Variants in ROBO1 observed in about 807,000 individuals in gnomAD.
ROBO1 encodes the protein roundabout guidance receptor 1.
In ROBO1, 149 loss-of-function variants were observed where a neutral mutation model predicts 195.9. The observed-to-expected ratio is 0.76, with a 90% CI of 0.67 to 0.87. The LOEUF (loss-of-function observed/expected upper bound fraction) is 0.87. Among genes scored for constraint, ROBO1 ranks in the 40% least tolerant of loss-of-function variants. The pLI, the probability that ROBO1 is intolerant of heterozygous loss-of-function variation, is 0.00. For synonymous variants in ROBO1, 816 were observed against 733.2 expected (o/e 1.11, Z -1.82); for missense variants, 1,933 against 2,068.3 (o/e 0.93, Z 1.27).
chr3:79,736,697 T>C (rs1441760676), intron 1 of ROBO1, among the ~76,000 whole-genome samples: 2 of 152,220 alleles, frequency 1.3e-5, no homozygotes, highest in Non-Finnish European at 2.9e-5. Context: ...CAAGTTGATG[T>C]TCCATGATCT....
intron 2 of ROBO1, among the ~76,000 whole-genome samples, chr3:79,242,784 C>A (rs1300977982): frequency 6.6e-6 from 1 of 152,076 alleles, no homozygotes; most frequent in African/African-American, 2.4e-5. Context: ...GTAATAGCTA[C>A]AATGCATTGA....
intron 4 of ROBO1, among the ~76,000 whole-genome samples, chr3:78,870,620 G>A (rs2035488354): frequency 6.6e-6 from 1 of 152,184 alleles, no homozygotes. Context: ...ATGTTTCCCA[G>A]AAGCACTAGA....
chr3:78,833,467 A>C (rs532773433), intron 4 of ROBO1, among the ~76,000 whole-genome samples: 1 of 152,288 alleles, frequency 6.6e-6, no homozygotes, highest in African/African-American at 2.4e-5. Context: ...ACAAATAACA[A>C]TGAAAGATAT....
intron 4 of ROBO1, among the ~76,000 whole-genome samples, chr3:78,779,640 C>T (rs12638686): frequency 0.24 from 36,764 of 152,012 alleles, 4,663 homozygotes; most frequent in East Asian, 0.49. Context: ...GAAATGGGAA[C>T]GCTTTTACAC....
intron 1 of ROBO1, among the ~76,000 whole-genome samples, chr3:79,712,748 TC>T (rs1702323716): frequency 6.6e-6 from 1 of 152,064 alleles, no homozygotes; most frequent in East Asian, 1.9e-4. Flanking sequence ...TGGCTTCAAA[TC>T]TTTGAAGGAC....
intron 2 of ROBO1, among the ~76,000 whole-genome samples, chr3:79,571,185 A>T (rs1943266878): frequency 6.6e-6 from 1 of 152,154 alleles, no homozygotes; most frequent in South Asian, 2.1e-4. Flanking sequence ...TCAATTTATG[A>T]GAGGCAATAA....
intron 3 of ROBO1, among the ~76,000 whole-genome samples, chr3:79,038,150 A>G (rs973190825): frequency 3.9e-5 from 6 of 152,228 alleles, no homozygotes; most frequent in Non-Finnish European, 8.8e-5. Context: ...AAACCAAAGC[A>G]TGGGACATGT....
chr3:79,240,610 T>C (rs1017509744), intron 2 of ROBO1, among the ~76,000 whole-genome samples: 1 of 152,150 alleles, frequency 6.6e-6, no homozygotes, highest in Non-Finnish European at 1.5e-5. Flanking sequence ...AACATTTGTA[T>C]TGCTACCACT....
chr3:78,846,924 G>A (rs2033706788), intron 4 of ROBO1, among the ~76,000 whole-genome samples: 1 of 152,154 alleles, frequency 6.6e-6, no homozygotes, highest in African/African-American at 2.4e-5. Context: ...CAGCAAAGGA[G>A]ATGAAAGTTT....
intron 2 of ROBO1, among the ~76,000 whole-genome samples, chr3:79,281,471 A>G (rs1331940212): frequency 1.3e-5 from 2 of 152,132 alleles, no homozygotes; most frequent in Non-Finnish European, 2.9e-5. Context: ...ATAAAACACA[A>G]TAAGTGAGGT....
At chr3:79,100,896 A>C (rs2079663714) in intron 3 of ROBO1, among the ~76,000 whole-genome samples, 1 of 151,856 alleles carries the variant, frequency 6.6e-6, no homozygotes, top group Non-Finnish European at 1.5e-5. Context: ...TTAACAGAAG[A>C]GAGATTTCTT....
intron 3 of ROBO1, among the ~76,000 whole-genome samples, chr3:79,106,668 A>G (rs1198185804): frequency 1.3e-5 from 2 of 151,702 alleles, no homozygotes; most frequent in Non-Finnish European, 3.0e-5. Flanking sequence ...CTGAGTTAAC[A>G]CGAGTGTGAA....
intron 2 of ROBO1, among the ~76,000 whole-genome samples, chr3:79,230,624 GA>G (rs1048592923): frequency 2.0e-5 from 3 of 151,788 alleles, no homozygotes; most frequent in African/African-American, 7.2e-5. Context: ...CAAATGAGTG[GA>G]AAAAAAATCC....
At chr3:79,575,452 A>AAAT in intron 2 of ROBO1, among the ~76,000 whole-genome samples, 7 of 133,274 alleles carry the variant, frequency 5.3e-5, no homozygotes, top group African/African-American at 2.0e-4. Flanking sequence ...AATATATATA[A>AAAT]ATATATATAA....
chr3:79,753,720 G>C (rs1273816566), intron 1 of ROBO1, among the ~76,000 whole-genome samples: 1 of 152,114 alleles, frequency 6.6e-6, no homozygotes, highest in African/African-American at 2.4e-5. Context: ...GTAGAACCTG[G>C]GGAATACACA....
intron 2 of ROBO1, among the ~76,000 whole-genome samples, chr3:79,555,172 G>A (rs1487645722): frequency 6.6e-6 from 1 of 152,080 alleles, no homozygotes; most frequent in Non-Finnish European, 1.5e-5. Flanking sequence ...GTTATTTGCA[G>A]TGCTTTACAT....
chr3:79,283,192 G>C (rs1013258939), intron 2 of ROBO1, among the ~76,000 whole-genome samples: 3 of 152,066 alleles, frequency 2.0e-5, no homozygotes, highest in Admixed American at 6.5e-5. Context: ...CCCATAGATG[G>C]GGACACTAAG....
chr3:79,549,363 G>A (rs1177545561), intron 2 of ROBO1, among the ~76,000 whole-genome samples: 1 of 152,030 alleles, frequency 6.6e-6, no homozygotes, highest in Non-Finnish European at 1.5e-5. Flanking sequence ...ATATAAATGA[G>A]GACATGGCAT....
At chr3:79,095,280 A>G (rs1179055905) in intron 3 of ROBO1, among the ~76,000 whole-genome samples, 1 of 152,042 alleles carries the variant, frequency 6.6e-6, no homozygotes, top group Non-Finnish European at 1.5e-5. Context: ...TCTTACAAAT[A>G]AAATACAGAG....
Sources: allele counts gnomAD v4.1 joint callset (sites outside exome capture counted in the v4.1 genomes callset), GRCh38; gene constraint gnomAD v4.1.1; transcripts MANE v1.5; gene names NCBI Gene and HGNC (gene_info 2026-07-23, HGNC 2026-07-21).